The following BOLA3 variants were observed in gnomAD, a reference collection of about 807,000 sequenced individuals.
BOLA3 encodes bolA-like protein 3.
BOLA3 carries 8 observed loss-of-function variants against 14.5 expected under a neutral mutation model. The observed-to-expected ratio is 0.55, with a 90% CI of 0.32 to 0.99. The LOEUF (loss-of-function observed/expected upper bound fraction) is 0.99. BOLA3 is among the 50% of genes least tolerant of loss of function. BOLA3 has a pLI of 0.04. For missense variants in BOLA3, 115 were observed against 138.2 expected (o/e 0.83, Z 0.84); for synonymous variants, 42 against 45.7 (o/e 0.92, Z 0.33).
intron 3 of BOLA3, among the ~76,000 whole-genome samples, chr2:74,137,271 T>C (rs1692352657): frequency 6.6e-6 from 1 of 152,206 alleles, no homozygotes; most frequent in East Asian, 1.9e-4. Context: ...GAGTGGAGCC[T>C]TGTTTCTTGG....
rs1692449637 is a variant in BOLA3, at chr2:74,142,252, G to A, written c.258+20C>T. ...GGAGGCTGAAGGCCAGTGGCAAGGG[G>A]CACTGTTGCCTCTACTGACCTGATT... On this transcript the variant is annotated intron_variant, in intron 3 of 3. Transcript: ENST00000327428. The A allele has an allele frequency of 6.3e-7, 1 of 1,575,952 alleles. No homozygotes were observed. The highest frequency in any genetic ancestry group is 2.2e-5 in the East Asian group (1 of 44,728).
intron 2 of BOLA3, among the ~76,000 whole-genome samples, chr2:74,144,195 G>A (rs541697423): frequency 5.3e-5 from 5 of 93,718 alleles, no homozygotes; most frequent in African/African-American, 2.1e-4. Context: ...TAGTAGAGAC[G>A]GGGGGGTTTC....
intron 3 of BOLA3, 148 bp downstream of exon 3, chr2:74,142,124 G>C (rs1034241650): frequency 1.5e-6 from 1 of 666,620 alleles, no homozygotes; most frequent in Admixed American, 2.5e-5. Context: ...TCCCAGATTC[G>C]ATTTTTCTCA....
intron 3 of BOLA3, among the ~76,000 whole-genome samples, chr2:74,136,347 G>T (rs1412352714): frequency 6.6e-6 from 1 of 152,160 alleles, no homozygotes; most frequent in Non-Finnish European, 1.5e-5. Flanking sequence ...AACGCAAATG[G>T]TTAAAATTTC....
chr2:74,140,366 A>T (rs1692417314), intron 3 of BOLA3, among the ~76,000 whole-genome samples: 2 of 152,240 alleles, frequency 1.3e-5, no homozygotes, highest in South Asian at 4.1e-4. Flanking sequence ...CCTTTCAGAT[A>T]CTAAAACATA....
In BOLA3 at chr2:74,145,288, G is replaced by A. The variant is rs376343275; in HGVS notation, c.70C>T (p.Arg24Trp). 1.2e-5 allele frequency: 20 copies of A among 1,601,702 alleles called. No homozygotes were observed. The African/African-American group carries it at 1.9e-4, about 15-fold the overall frequency. The change falls in exon 2 of 4, where the codon CGG becomes TGG. Residue 24 changes from arginine (R) to tryptophan (W), a missense_variant. Transcript: ENST00000327428. ...RGIRGLPLHHRMFATQTEGEL... is the reference protein window; with the variant it reads ...RGIRGLPLHHWMFATQTEGEL... ...CCCTCAGTCTGAGTGGCAAACATCC[G>A]ATGGTGAAGTGGAAGCTGCCACAGA...
In BOLA3 at chr2:74,135,403, C is replaced by T. The variant is rs886056325; in HGVS notation, c.*190G>A. 9.8e-5 allele frequency: 91 copies of T among 931,730 alleles called. No individual in the cohort carries two copies. The highest frequency in any genetic ancestry group is 1.4e-4 in the Non-Finnish European group (86 of 593,770). 57.7% of individuals were successfully genotyped at this position (931,730 alleles called of 1,614,324 possible). A position where few individuals can be genotyped will look rare whatever the true frequency, so the allele number is the denominator to read the frequency against. On this transcript the variant is annotated 3_prime_UTR_variant, in exon 4 of 4. Transcript: ENST00000327428. ...AAGGAACCTGAAACATTACTAATGA[C>T]CCTTCAAAAGCTTCAGTTGTTTGTT...
intron 3 of BOLA3, among the ~76,000 whole-genome samples, chr2:74,141,589 G>A (rs1473524463): frequency 6.6e-6 from 1 of 152,060 alleles, no homozygotes; most frequent in Non-Finnish European, 1.5e-5. Flanking sequence ...CAGCAGTCTA[G>A]GACACCTGAA....
intron 1 of BOLA3, 79 bp downstream of exon 1, chr2:74,147,742 G>A: frequency 6.9e-7 from 1 of 1,452,390 alleles, no homozygotes; most frequent in Non-Finnish European, 9.3e-7. Context: ...CAGTCCTCAA[G>A]CCCCGACAGC....
At chr2:74,136,259 T>C (rs577354133) in intron 3 of BOLA3, among the ~76,000 whole-genome samples, 166 of 152,320 alleles carry the variant, frequency 1.1e-3, no homozygotes, top group African/African-American at 3.8e-3. Context: ...CAGTTTCTTG[T>C]GTATCTTTAC....
At chr2:74,144,673 G>A (rs2103655059) in intron 2 of BOLA3, among the ~76,000 whole-genome samples, 1 of 152,344 alleles carries the variant, frequency 6.6e-6, no homozygotes, top group Non-Finnish European at 1.5e-5. Flanking sequence ...TGGTAACTGG[G>A]CTTAGGACAG....
At chr2:74,141,818 G>T (rs1352435010) in intron 3 of BOLA3, among the ~76,000 whole-genome samples, 1 of 152,146 alleles carries the variant, frequency 6.6e-6, no homozygotes, top group Admixed American at 6.6e-5. Flanking sequence ...CTGGTTGAAC[G>T]TGATGTTCCA....
intron 2 of BOLA3, 125 bp from the exon 3 acceptor site, chr2:74,142,485 C>T: frequency 2.6e-6 from 2 of 779,868 alleles, no homozygotes; most frequent in Non-Finnish European, 4.4e-6. Context: ...AGGAAAGTTG[C>T]TAAGACCATT....
chr2:74,145,653 T>C (rs1403695719), intron 1 of BOLA3: 6 of 345,838 alleles, frequency 1.7e-5, no homozygotes, highest in South Asian at 1.2e-4. Flanking sequence ...CACACAGTAA[T>C]GTGCCCAAGG....
At chr2:74,138,700 GA>G (rs1692381374) in intron 3 of BOLA3, among the ~76,000 whole-genome samples, 1 of 152,224 alleles carries the variant, frequency 6.6e-6, no homozygotes, top group South Asian at 2.1e-4. Context: ...CTGAGCAGGG[GA>G]AAGACATTGG....
Position 74,135,623 on chromosome 2 carries a change from C to T in BOLA3, c.294G>A (p.Leu98=). The T allele has an allele frequency of 6.2e-7, 1 of 1,614,074 alleles. No homozygotes were observed. Among genetic ancestry groups the T allele is most frequent in the Non-Finnish European group, 8.5e-7 (1 of 1,179,944 alleles). Residue 98 remains leucine (L), a synonymous_variant, in exon 4 of 4, where the codon TTG becomes TTA. Coordinates refer to ENST00000327428, the MANE Select transcript of BOLA3 (RefSeq NM_212552.3). The part of the protein sequence containing the change: ...LKEEIKEMHG[L]RIFTSVPKR ...GTTTGGGGACAGAGGTAAATATCCGCAATCCATGCATCTCTTTGATTTCTT... is the reference window on the plus strand; with the variant it reads ...GTTTGGGGACAGAGGTAAATATCCGTAATCCATGCATCTCTTTGATTTCTT...
At chr2:74,139,061 G>T (rs1254064360) in intron 3 of BOLA3, among the ~76,000 whole-genome samples, 1 of 152,170 alleles carries the variant, frequency 6.6e-6, no homozygotes, top group African/African-American at 2.4e-5. Flanking sequence ...CCAAGAGAAG[G>T]CTGACGCACT....
rs554857282 is a variant in BOLA3, at chr2:74,145,418, G to A, written c.55-115C>T. Reference sequence around the variant, plus strand: ...CTGCAAGGCAGGCCCCTGAGCCCTCGCCAGCACAGCCATGGGTTATGTCAG... The same window carrying A: ...CTGCAAGGCAGGCCCCTGAGCCCTCACCAGCACAGCCATGGGTTATGTCAG... On this transcript the variant is annotated intron_variant, in intron 1 of 3. Transcript: ENST00000327428. The A allele has an allele frequency of 4.2e-4, 309 of 737,336 alleles. 4 individuals carry two copies. Among genetic ancestry groups the A allele is most frequent in the South Asian group, 2.8e-3 (197 of 71,184 alleles). The allele number at this position is 737,336 out of a possible 1,614,324, so 45.7% of individuals were successfully genotyped here.
At chr2:74,144,542 G>C (rs1692507262) in intron 2 of BOLA3, among the ~76,000 whole-genome samples, 1 of 152,158 alleles carries the variant, frequency 6.6e-6, no homozygotes, top group African/African-American at 2.4e-5. Context: ...TGTGGATAAA[G>C]GGCCTATCTT....
Sources: allele counts gnomAD v4.1 joint callset (sites outside exome capture counted in the v4.1 genomes callset), GRCh38; gene constraint gnomAD v4.1.1; transcripts MANE v1.5; gene names NCBI Gene and HGNC (gene_info 2026-07-23, HGNC 2026-07-21).